The following BMPR1B variants were observed in gnomAD, a reference collection of about 807,000 sequenced individuals.
BMPR1B encodes bone morphogenetic protein receptor type-1B.
In BMPR1B, 12 loss-of-function variants were observed where a neutral mutation model predicts 59.1. The observed-to-expected ratio is 0.20, with a 90% CI of 0.13 to 0.33. The LOEUF is 0.33. Among genes scored for constraint, BMPR1B ranks in the 10% least tolerant of loss-of-function variants. The pLI, the probability that BMPR1B is intolerant of heterozygous loss-of-function variation, is 1.00. For missense variants in BMPR1B, 550 were observed against 610.9 expected, an observed-to-expected ratio of 0.90 and a Z score of 1.05; for synonymous variants, 237 against 207.3, an observed-to-expected ratio of 1.14 and a Z score of -1.23.
chr4:94,850,385 T>G (rs13117507), intron 1 of BMPR1B, among the ~76,000 whole-genome samples: 93,319 of 152,086 alleles, frequency 0.61, 29,640 homozygotes, highest in African/African-American at 0.78. Context: ...TATGATGTGT[T>G]AAACAAACTC....
chr4:95,069,671 G>A (rs1278430702), intron 3 of BMPR1B, among the ~76,000 whole-genome samples: 1 of 152,030 alleles, frequency 6.6e-6, no homozygotes, highest in Non-Finnish European at 1.5e-5. Flanking sequence ...TTTCTCCATT[G>A]ACTGTGAGCT....
intron 3 of BMPR1B, among the ~76,000 whole-genome samples, chr4:95,074,176 T>G (rs575864101): frequency 1.3e-5 from 2 of 152,132 alleles, no homozygotes; most frequent in Non-Finnish European, 2.9e-5. Context: ...GGCTTTGGAG[T>G]CACTTTTTGT....
intron 3 of BMPR1B, among the ~76,000 whole-genome samples, chr4:95,021,585 T>C (rs893592778): frequency 6.6e-6 from 1 of 152,226 alleles, no homozygotes; most frequent in Non-Finnish European, 1.5e-5. Flanking sequence ...CATTTTGATA[T>C]TTCCCATTGG....
At chr4:95,065,850 T>C (rs1727760894) in intron 3 of BMPR1B, among the ~76,000 whole-genome samples, 1 of 152,186 alleles carries the variant, frequency 6.6e-6, no homozygotes, top group Admixed American at 6.5e-5. Flanking sequence ...TAATAATATT[T>C]TATCTTTAAA....
chr4:95,086,243 C>G (rs1729566051), intron 3 of BMPR1B, among the ~76,000 whole-genome samples: 1 of 152,118 alleles, frequency 6.6e-6, no homozygotes, highest in South Asian at 2.1e-4. Flanking sequence ...AAGAACATGT[C>G]ATGTTCGTTG....
chr4:94,930,062 A>T (rs1729037926), intron 2 of BMPR1B, among the ~76,000 whole-genome samples: 2 of 152,060 alleles, frequency 1.3e-5, no homozygotes, highest in Non-Finnish European at 2.9e-5. Flanking sequence ...TCTCTACTTT[A>T]AACTAAGACT....
intron 3 of BMPR1B, among the ~76,000 whole-genome samples, chr4:95,021,448 G>A (rs1458335506): frequency 1.3e-5 from 2 of 152,102 alleles, no homozygotes; most frequent in African/African-American, 4.8e-5. Context: ...ATTTAAACCT[G>A]GTGTTAATGT....
intron 3 of BMPR1B, among the ~76,000 whole-genome samples, chr4:95,081,276 C>T (rs556922383): frequency 5.9e-5 from 9 of 152,114 alleles, no homozygotes; most frequent in Non-Finnish European, 1.0e-4. Flanking sequence ...TCTGGTATGT[C>T]GTTATTAGCA....
chr4:95,153,606 T>G (rs1053729981), intron 12 of BMPR1B, among the ~76,000 whole-genome samples: 5 of 152,208 alleles, frequency 3.3e-5, no homozygotes, highest in Admixed American at 6.5e-5. Context: ...CCCGGCACTT[T>G]GGCAGGCCGA....
Position 94,806,174 on chromosome 4 carries a change from C to T in BMPR1B, c.-183+48106C>T, listed in dbSNP as rs374823488. Among the ~76,000 whole-genome samples, 19 of 152,244 alleles carry T rather than the reference C, an allele frequency of 1.2e-4. No homozygotes were observed. The South Asian group carries it at 2.1e-3, about 17-fold the overall frequency. On this transcript the variant is annotated intron_variant, in intron 1 of 12. Transcript: ENST00000515059. ...TTATCTAAATGGGATACTGTACTCACGGTGTCAAGTTGATTGTAATGGGGT... is the reference window on the plus strand; with the variant it reads ...TTATCTAAATGGGATACTGTACTCATGGTGTCAAGTTGATTGTAATGGGGT...
chr4:94,786,833 C>T (rs940172392), intron 1 of BMPR1B, among the ~76,000 whole-genome samples: 13 of 152,014 alleles, frequency 8.6e-5, no homozygotes, highest in East Asian at 3.9e-4. Context: ...CGTGAGCCAT[C>T]GTGCCCAGCC....
chr4:94,835,865 C>T (rs1724788583), intron 1 of BMPR1B, among the ~76,000 whole-genome samples: 1 of 150,580 alleles, frequency 6.6e-6, no homozygotes, highest in Non-Finnish European at 1.5e-5. Flanking sequence ...CCCACTAACT[C>T]GTCATCTAGC....
intron 2 of BMPR1B, among the ~76,000 whole-genome samples, chr4:94,899,044 C>T (rs1578777416): frequency 6.6e-6 from 1 of 152,094 alleles, no homozygotes; most frequent in East Asian, 1.9e-4. Context: ...CCTGGATGTT[C>T]TAGGAGGTAA....
chr4:94,981,909 C>T (rs1005885043), intron 2 of BMPR1B, among the ~76,000 whole-genome samples: 32 of 152,168 alleles, frequency 2.1e-4, no homozygotes, highest in African/African-American at 7.2e-4. Context: ...GAATTACATG[C>T]TGCAAAATGA....
intron 3 of BMPR1B, among the ~76,000 whole-genome samples, chr4:95,020,297 C>T (rs995322535): frequency 6.6e-6 from 1 of 152,100 alleles, no homozygotes; most frequent in African/African-American, 2.4e-5. Context: ...AAAGAATTAT[C>T]AACTGGGCGC....
At chr4:95,098,778 G>A (rs961137931) in intron 3 of BMPR1B, among the ~76,000 whole-genome samples, 8 of 151,920 alleles carry the variant, frequency 5.3e-5, no homozygotes, top group Admixed American at 6.6e-5. Context: ...GTGCAGTGGC[G>A]CGATCTGGGC....
At chr4:94,927,142 A>G (rs936052436) in intron 2 of BMPR1B, among the ~76,000 whole-genome samples, 102 of 152,278 alleles carry the variant, frequency 6.7e-4, no homozygotes, top group African/African-American at 2.3e-3. Flanking sequence ...GCTCTAGTGG[A>G]CAGACTGGTT....
intron 3 of BMPR1B, among the ~76,000 whole-genome samples, chr4:95,082,046 A>G (rs1299363241): frequency 6.6e-6 from 1 of 151,596 alleles, no homozygotes; most frequent in South Asian, 2.1e-4. Flanking sequence ...GGTTAGTTAC[A>G]TATGTATATA....
intron 1 of BMPR1B, among the ~76,000 whole-genome samples, chr4:94,795,290 G>A (rs1375240324): frequency 1.4e-5 from 2 of 147,600 alleles, no homozygotes; most frequent in Non-Finnish European, 3.0e-5. Context: ...TGTGGTTTTT[G>A]TCTTTGGCTC....
Sources: gnomAD v4.1 joint callset for allele counts (sites outside exome capture counted in the v4.1 genomes callset) on GRCh38, gnomAD v4.1.1 for gene constraint, MANE v1.5 for transcripts, NCBI Gene and HGNC (gene_info 2026-07-23, HGNC 2026-07-21) for gene names.